The following PPIH variants were observed in gnomAD, a reference collection of about 807,000 sequenced individuals.
The protein encoded by PPIH is peptidyl-prolyl cis-trans isomerase H.
In PPIH, 16 loss-of-function variants were observed where a neutral mutation model predicts 27.6. The observed-to-expected ratio is 0.58, with a 90% confidence interval of 0.39 to 0.88. PPIH has a LOEUF of 0.88. Among genes scored for constraint, PPIH ranks in the 40% least tolerant of loss-of-function variants. The probability of loss-of-function intolerance (pLI) is 0.00; values close to 1 mark genes in which losing one functional copy is unlikely to be tolerated. For synonymous variants in PPIH, 63 were observed against 76.1 expected, an observed-to-expected ratio of 0.83 and a Z score of 0.90; for missense variants, 155 against 224.1, an observed-to-expected ratio of 0.69 and a Z score of 1.97.
chr1:42,666,662 A>G, intron 8 of PPIH, 75 bp downstream of exon 8: 1 of 1,445,630 alleles, frequency 6.9e-7, no homozygotes, highest in Non-Finnish European at 9.7e-7. Flanking sequence ...CAGGAGCTAG[A>G]GAAGGGGGAA....
At chr1:42,663,791 T>C (rs890052490) in intron 5 of PPIH, among the ~76,000 whole-genome samples, 4 of 152,218 alleles carry the variant, frequency 2.6e-5, no homozygotes, top group African/African-American at 9.6e-5. Context: ...TTCTCTGGCT[T>C]ATATTAATGG....
In PPIH at chr1:42,671,449, A is replaced by T. The variant is rs1230772149; in HGVS notation, c.*21+4009A>T. 5.9e-5 allele frequency among the ~76,000 whole-genome samples: 9 copies of T among 152,192 alleles called. 1 individual carries two copies. The highest frequency in any genetic ancestry group is 5.9e-4 in the Admixed American group (9 of 15,284). ...TCTCAAAAATAAATAAGTAAATAAA[A>T]AAATAATAAATGTAAAGAGCCAGTT... On this transcript the variant is annotated intron_variant, in intron 9 of 9. Coordinates refer to ENST00000304979, the MANE Select transcript of PPIH (RefSeq NM_006347.4).
At chr1:42,667,205 A>G (rs1649386837) in intron 8 of PPIH, 146 bp from the exon 9 acceptor site, 1 of 655,914 alleles carries the variant, frequency 1.5e-6, no homozygotes, top group South Asian at 1.9e-5. Flanking sequence ...TTTGATAGGT[A>G]TTATATGCTT....
rs1244519187 is a variant in PPIH, at chr1:42,659,527, A to G, written c.161A>G (p.Asp54Gly). 1 of 1,614,210 alleles carries G rather than the reference A, an allele frequency of 6.2e-7. No homozygotes were observed. The highest frequency in any genetic ancestry group is 1.7e-5 in the Admixed American group (1 of 60,032). ...CTCTTTCTTTTCGGTTATAGGAAAG[A>G]TGGGGTTCCAATAGGATACAAAGGA... The part of the protein sequence containing the change: ...RQFCTGEFRK[D>G]GVPIGYKGST... Residue 54 changes from aspartate to glycine, a missense_variant, in exon 4 of 10, where the codon GAT (aspartate) becomes GGT (glycine). Physicochemically the swap from Asp to Gly is moderately conservative, Grantham distance 94. Coordinates refer to ENST00000304979, the MANE Select transcript of PPIH (RefSeq NM_006347.4).
intron 9 of PPIH, among the ~76,000 whole-genome samples, chr1:42,673,515 T>C (rs1649744827): frequency 6.6e-6 from 1 of 152,216 alleles, no homozygotes; most frequent in Non-Finnish European, 1.5e-5. Context: ...TAGAGAGCTT[T>C]CCTTAATTCA....
intron 6 of PPIH, 57 bp from the exon 7 acceptor site, chr1:42,665,923 G>A: frequency 1.4e-6 from 2 of 1,406,664 alleles, no homozygotes; most frequent in Non-Finnish European, 2.0e-6. Flanking sequence ...TGGAAATCTT[G>A]CCCTTCAGCT....
At chr1:42,661,099 T>C in intron 5 of PPIH, 195 bp downstream of exon 5, 1 of 563,368 alleles carries the variant, frequency 1.8e-6, no homozygotes, top group Non-Finnish European at 3.1e-6. Flanking sequence ...GATAACCGAC[T>C]TTAGCACTTT....
At chr1:42,662,364 C>G (rs1325516507) in intron 5 of PPIH, among the ~76,000 whole-genome samples, 1 of 152,012 alleles carries the variant, frequency 6.6e-6, no homozygotes, top group African/African-American at 2.4e-5. Context: ...ATAGTAAGAC[C>G]CTGTCTCTAC....
intron 9 of PPIH, among the ~76,000 whole-genome samples, chr1:42,668,015 G>A (rs1256350587): frequency 6.6e-6 from 1 of 152,226 alleles, no homozygotes; most frequent in Non-Finnish European, 1.5e-5. Flanking sequence ...TGCAGAGAGG[G>A]GGACAAAGAA....
downstream of PPIH, among the ~76,000 whole-genome samples, chr1:42,679,469 C>A (rs1231468933): frequency 1.3e-5 from 2 of 152,232 alleles, no homozygotes; most frequent in Non-Finnish European, 2.9e-5. Flanking sequence ...AGGCATGAGC[C>A]ACCGTGCCTG....
chr1:42,676,404 G>T (rs1649883654), intron 9 of PPIH, among the ~76,000 whole-genome samples, 180 bp from the exon 10 acceptor site: 1 of 152,028 alleles, frequency 6.6e-6, no homozygotes, highest in African/African-American at 2.4e-5. Flanking sequence ...GGAGGCGGAG[G>T]TGGCAGTGAG....
intron 9 of PPIH, among the ~76,000 whole-genome samples, chr1:42,675,857 C>A (rs561538673): frequency 5.3e-5 from 8 of 152,266 alleles, no homozygotes; most frequent in African/African-American, 1.9e-4. Flanking sequence ...AGAGAGCCAT[C>A]AGAGTCTGAC....
At chr1:42,665,937 A>G (rs1649307188) in intron 6 of PPIH, 43 bp from the exon 7 acceptor site, 1 of 1,541,562 alleles carries the variant, frequency 6.5e-7, no homozygotes, top group South Asian at 1.1e-5. Context: ...TTCAGCTAAC[A>G]TGGCCGGGGA....
intron 9 of PPIH, among the ~76,000 whole-genome samples, chr1:42,670,658 T>TGTCC (rs1649580144): frequency 1.3e-5 from 2 of 152,122 alleles, no homozygotes; most frequent in Non-Finnish European, 2.9e-5. Flanking sequence ...AGACCAGGAC[T>TGTCC]GTCCATAGGC....
chr1:42,665,319 C>T (rs1055909941), intron 6 of PPIH, among the ~76,000 whole-genome samples: 5 of 152,134 alleles, frequency 3.3e-5, no homozygotes, highest in Admixed American at 2.6e-4. Context: ...GCAGGAGAAT[C>T]GCTTGAACCC....
intron 9 of PPIH, among the ~76,000 whole-genome samples, chr1:42,675,700 T>C (rs1363973705): frequency 6.6e-6 from 1 of 152,124 alleles, no homozygotes; most frequent in Non-Finnish European, 1.5e-5. Flanking sequence ...AGGGGGACAA[T>C]AGTATCTGGG....
At chr1:42,667,287 A>C in intron 8 of PPIH, 64 bp from the exon 9 acceptor site, 1 of 1,454,332 alleles carries the variant, frequency 6.9e-7, no homozygotes, top group Non-Finnish European at 9.6e-7. Flanking sequence ...GCATCAGTAA[A>C]AGTTTGATAA....
At chr1:42,660,421 GTTTT>G (rs1422895092) in intron 4 of PPIH, among the ~76,000 whole-genome samples, 1 of 151,564 alleles carries the variant, frequency 6.6e-6, no homozygotes, top group Non-Finnish European at 1.5e-5. Flanking sequence ...TAATCTTCAG[GTTTT>G]TTTTGTTTTG....
chr1:42,679,710 T>C (rs1200606954), downstream of PPIH, among the ~76,000 whole-genome samples: 5 of 152,262 alleles, frequency 3.3e-5, no homozygotes, highest in Admixed American at 6.5e-5. Context: ...AGTGTCTTTG[T>C]AACTGGAGAA....
Sources: gnomAD v4.1 joint callset for allele counts (sites outside exome capture counted in the v4.1 genomes callset) on GRCh38, gnomAD v4.1.1 for gene constraint, MANE v1.5 for transcripts, NCBI Gene and HGNC (gene_info 2026-07-23, HGNC 2026-07-21) for gene names.